The following TCF7L2 variants were observed in gnomAD, a reference collection of about 807,000 sequenced individuals.
TCF7L2 encodes the protein transcription factor 7 like 2, also known as transcription factor 7-like 2.
A neutral mutation model predicts 77.9 loss-of-function variants in TCF7L2; 23 were observed. The ratio of observed to expected loss-of-function variants is 0.30; its 90% CI spans 0.21 to 0.42. The LOEUF (loss-of-function observed/expected upper bound fraction) is 0.42, where lower values mean the gene tolerates loss of function less well. Ranked by LOEUF, TCF7L2 falls within the 10% of genes least tolerant of loss-of-function variation. The pLI is 1.00. For synonymous variants in TCF7L2, 413 were observed against 340.2 expected (o/e 1.21, Z -2.36); for missense variants, 654 against 793.1 (o/e 0.82, Z 2.11).
At chr10:113,121,053 A>G (rs2064683480) in intron 5 of TCF7L2, among the ~76,000 whole-genome samples, 2 of 152,238 alleles carry the variant, frequency 1.3e-5, no homozygotes, top group Non-Finnish European at 2.9e-5. Flanking sequence ...AGGTACTTCT[A>G]TCCCTTCGCA....
At chr10:112,998,303 G>C (rs1432946945) in intron 4 of TCF7L2, among the ~76,000 whole-genome samples, 1 of 152,060 alleles carries the variant, frequency 6.6e-6, no homozygotes, top group Non-Finnish European at 1.5e-5. Context: ...TTTTGGATCT[G>C]TTTCTTTAAT....
intron 5 of TCF7L2, among the ~76,000 whole-genome samples, chr10:113,044,482 G>A (rs567539978): frequency 9.8e-5 from 15 of 152,318 alleles, no homozygotes; most frequent in African/African-American, 2.9e-4. Context: ...TTGCTGGGAC[G>A]TGGCATGTGT....
At chr10:113,023,845 T>A (rs1354605613) in intron 4 of TCF7L2, among the ~76,000 whole-genome samples, 1 of 151,962 alleles carries the variant, frequency 6.6e-6, no homozygotes, top group African/African-American at 2.4e-5. Flanking sequence ...ATTTTTTGTA[T>A]TTTTAGTAGA....
intron 3 of TCF7L2, among the ~76,000 whole-genome samples, chr10:112,953,793 A>G (rs1184753984): frequency 6.6e-6 from 1 of 152,208 alleles, no homozygotes; most frequent in Non-Finnish European, 1.5e-5. Flanking sequence ...CATTATAGGA[A>G]TAGACGGCGT....
intron 4 of TCF7L2, among the ~76,000 whole-genome samples, chr10:113,033,798 C>G (rs1293331690): frequency 6.6e-6 from 1 of 152,186 alleles, no homozygotes; most frequent in Non-Finnish European, 1.5e-5. Flanking sequence ...AGCCTAGTCT[C>G]CTATACCTTC....
chr10:112,967,736 A>G (rs533063353), intron 4 of TCF7L2, among the ~76,000 whole-genome samples: 1 of 152,046 alleles, frequency 6.6e-6, no homozygotes, highest in South Asian at 2.1e-4. Flanking sequence ...CCCAGGTTCA[A>G]GTGATTCTCC....
intron 5 of TCF7L2, among the ~76,000 whole-genome samples, chr10:113,124,874 G>A (rs140404476): frequency 2.0e-5 from 3 of 151,946 alleles, no homozygotes; most frequent in East Asian, 1.9e-4. Flanking sequence ...TCTTGGCTCC[G>A]AAGGAGTCTA....
At chr10:113,165,117 A>C (rs1329268063) in intron 13 of TCF7L2, among the ~76,000 whole-genome samples, 1 of 152,176 alleles carries the variant, frequency 6.6e-6, no homozygotes, top group Non-Finnish European at 1.5e-5. Context: ...AGTGGTGGGA[A>C]TGGGAGTGAA....
intron 5 of TCF7L2, among the ~76,000 whole-genome samples, chr10:113,068,548 G>T (rs2057543916): frequency 6.6e-6 from 1 of 152,142 alleles, no homozygotes; most frequent in Admixed American, 6.5e-5. Context: ...CGCAGAGATG[G>T]ACACCAGAAT....
At chr10:113,055,855 G>C (rs1392667925) in intron 5 of TCF7L2, among the ~76,000 whole-genome samples, 1 of 152,232 alleles carries the variant, frequency 6.6e-6, no homozygotes, top group Non-Finnish European at 1.5e-5. Context: ...GAATTCTGCA[G>C]ATAGTTGGTG....
At chr10:113,141,160 C>T in intron 5 of TCF7L2, 24 bp from the exon 6 acceptor site, 1 of 1,613,096 alleles carries the variant, frequency 6.2e-7, no homozygotes, top group Non-Finnish European at 8.5e-7. Flanking sequence ...TTGACGGTGT[C>T]TTTCTCTGTT....
At chr10:112,974,118 GCA>G in intron 4 of TCF7L2, among the ~76,000 whole-genome samples, 1 of 152,170 alleles carries the variant, frequency 6.6e-6, no homozygotes, top group East Asian at 1.9e-4. Context: ...TAAGCCAATA[GCA>G]ATTGGATTAC....
chr10:112,964,772 GTGGTGA>G lies in TCF7L2; in HGVS notation c.450+154_450+159del, dbSNP rs1564719069. ...GGTGGTGGTGGTGATGGTGGTGGTGGTGGTGATGGTGGTGGTGGTGATGGTGGTGGT... is the reference window on the plus strand; with the variant it reads ...GGTGGTGGTGGTGATGGTGGTGGTGGTGGTGGTGGTGGTGATGGTGGTGGT... On this transcript the variant is annotated intron_variant, in intron 4 of 13. Transcript: ENST00000627217. 11 of 653,618 alleles carry G rather than the reference GTGGTGA, an allele frequency of 1.7e-5. No individual in the cohort carries two copies. The African/African-American group carries it at 2.1e-4, about 13-fold the overall frequency. The allele number at this position is 653,618 out of a possible 1,614,324, so 40.5% of individuals were successfully genotyped here.
At chr10:113,080,127 C>A (rs918133796) in intron 5 of TCF7L2, among the ~76,000 whole-genome samples, 2 of 151,836 alleles carry the variant, frequency 1.3e-5, no homozygotes, top group African/African-American at 4.8e-5. Flanking sequence ...AGGGTTTTCC[C>A]CCTTCTCACA....
chr10:113,092,101 G>A (rs972549755), intron 5 of TCF7L2, among the ~76,000 whole-genome samples: 1 of 152,230 alleles, frequency 6.6e-6, no homozygotes, highest in Non-Finnish European at 1.5e-5. Context: ...TTTTAAGTAT[G>A]AGGAAAATGA....
At chr10:112,953,762 A>G (rs1457717251) in intron 3 of TCF7L2, among the ~76,000 whole-genome samples, 1 of 152,200 alleles carries the variant, frequency 6.6e-6, no homozygotes, top group Non-Finnish European at 1.5e-5. Context: ...AAGGCTCCCA[A>G]TGATCGGTCC....
At chr10:113,103,681 C>G (rs572764193) in intron 5 of TCF7L2, among the ~76,000 whole-genome samples, 1 of 152,242 alleles carries the variant, frequency 6.6e-6, no homozygotes, top group Non-Finnish European at 1.5e-5. Flanking sequence ...TGGGAGGAAA[C>G]TCACATTTTT....
chr10:113,027,633 A>G (rs2049421528), intron 4 of TCF7L2, among the ~76,000 whole-genome samples: 1 of 152,250 alleles, frequency 6.6e-6, no homozygotes, highest in Non-Finnish European at 1.5e-5. Context: ...TTCCTTCCCC[A>G]AATGAGGTTA....
intron 8 of TCF7L2, among the ~76,000 whole-genome samples, chr10:113,147,854 G>A (rs945104031): frequency 3.3e-5 from 5 of 152,084 alleles, no homozygotes; most frequent in Non-Finnish European, 7.4e-5. Context: ...AATTATAGGT[G>A]GGCATGGGGG....
Sources: gnomAD v4.1 joint callset for allele counts (sites outside exome capture counted in the v4.1 genomes callset) on GRCh38, gnomAD v4.1.1 for gene constraint, MANE v1.5 for transcripts, NCBI Gene and HGNC (gene_info 2026-07-23, HGNC 2026-07-21) for gene names.